SIMC1: variants seen among roughly 807,000 people sequenced by gnomAD.
The protein encoded by SIMC1 is SUMO-interacting motif-containing protein 1.
Under a neutral mutation model 82.3 loss-of-function variants are expected in SIMC1, and 55 were observed. The observed-to-expected ratio is 0.67, with a 90% CI of 0.54 to 0.84. The LOEUF is 0.84. Among genes scored for constraint, SIMC1 ranks in the 40% least tolerant of loss-of-function variants. The pLI, the probability that SIMC1 is intolerant of heterozygous loss-of-function variation, is 0.00. For missense variants in SIMC1, 915 were observed against 1,107.2 expected, an observed-to-expected ratio of 0.83 and a Z score of 2.46; for synonymous variants, 353 against 426.3, an observed-to-expected ratio of 0.83 and a Z score of 2.12.
intron 1 of SIMC1, among the ~76,000 whole-genome samples, chr5:176,283,281 T>C (rs1201965263): frequency 1.3e-5 from 2 of 152,180 alleles, no homozygotes; most frequent in East Asian, 1.9e-4. Context: ...AGAGAAAGGT[T>C]GGGTTACCCA....
rs1375439879 is a variant in SIMC1 at position 176,241,117 on chromosome 5, C to T, written c.129+2480C>T. 5.9e-5 allele frequency among the ~76,000 whole-genome samples: 4 copies of T among 67,886 alleles called. 1 individual carries two copies. Among genetic ancestry groups the T allele is most frequent in the Non-Finnish European group, 1.2e-4 (4 of 32,720 alleles). The allele number at this position is 67,886 out of a possible 152,430, so 44.5% of individuals were successfully genotyped here. A position where few individuals can be genotyped will look rare whatever the true frequency, so the allele number is the denominator to read the frequency against. Reference sequence around the variant, plus strand: ...GATTCTTAACCTGGGCTTTAGTCTTCACTGAGTCGATGAGGTGTGTTTCTG... The same window carrying T: ...GATTCTTAACCTGGGCTTTAGTCTTTACTGAGTCGATGAGGTGTGTTTCTG... On this transcript the variant is annotated intron_variant, in intron 1 of 9. Coordinates refer to ENST00000429602, the MANE Select transcript of SIMC1 (RefSeq NM_001308195.2).
chr5:176,240,903 G>A (rs1280985246), intron 1 of SIMC1, among the ~76,000 whole-genome samples: 1 of 91,906 alleles, frequency 1.1e-5, no homozygotes, highest in South Asian at 3.3e-4. Flanking sequence ...ATAAATGATA[G>A]CTTTTGCCAC....
At chr5:176,306,870 C>G (rs996498319) in intron 4 of SIMC1, among the ~76,000 whole-genome samples, 2 of 150,914 alleles carry the variant, frequency 1.3e-5, no homozygotes, top group African/African-American at 4.9e-5. Context: ...ATGACCCTGC[C>G]AAATCCCCCT....
At chr5:176,310,130 C>T (rs1764601712) in intron 4 of SIMC1, among the ~76,000 whole-genome samples, 1 of 151,990 alleles carries the variant, frequency 6.6e-6, no homozygotes, top group Non-Finnish European at 1.5e-5. Context: ...ATCTGAATGG[C>T]TAAAGAAAAA....
rs566976979 is a variant in SIMC1, at chr5:176,311,372, G to A, written c.1735-2319G>A. Reference sequence around the variant, plus strand: ...CCTGCCTCAGCCTCCTAAGTAGCTAGGACTACAGGCACATGCTATCACGCC... The same window carrying A: ...CCTGCCTCAGCCTCCTAAGTAGCTAAGACTACAGGCACATGCTATCACGCC... On this transcript the variant is annotated intron_variant, in intron 4 of 9. Transcript: ENST00000429602. Among the ~76,000 whole-genome samples the A allele has an allele frequency of 2.0e-5, 3 of 152,138 alleles. No homozygotes were observed. In the East Asian group the frequency reaches 5.8e-4, roughly 29 times the overall value.
chr5:176,338,663 A>T (rs1293244443), intron 9 of SIMC1, among the ~76,000 whole-genome samples: 1 of 152,114 alleles, frequency 6.6e-6, no homozygotes, highest in Non-Finnish European at 1.5e-5. Flanking sequence ...TGAGGGAAAA[A>T]AGTATACAAG....
rs1765301421 is a variant in SIMC1, at chr5:176,324,713, G to A, written c.2127G>A (p.Glu709=). The A allele has an allele frequency of 6.2e-7, 1 of 1,602,720 alleles. No individual in the cohort carries two copies. Among genetic ancestry groups the A allele is most frequent in the African/African-American group, 1.3e-5 (1 of 74,854 alleles). Residue 709 remains glutamate, a synonymous_variant, in exon 7 of 10, where the codon GAG becomes GAA. Transcript: ENST00000429602. ...TPTCSSNKIA[E]MMFGFVLDIP... is the part of the protein sequence containing the mutation. ...CCTGCAGCTCCAATAAAATTGCCGA[G>A]ATGATGTTTGGGTTTGTGCTGGACA...
Position 176,329,236 on chromosome 5 carries a change from C to CCGAGACTGGCGGATCACGAGGT in SIMC1, c.2171+4481_2171+4502dup, listed in dbSNP as rs373960248. On this transcript the variant is annotated intron_variant, in intron 7 of 9. Transcript: ENST00000429602. ...CCTGTAATCCCAGCACTTTGGGAGG[C>CCGAGACTGGCGGATCACGAGGT]CGAGACTGGCGGATCACGAGGTCAG... 2.4e-3 allele frequency among the ~76,000 whole-genome samples: 363 copies of CCGAGACTGGCGGATCACGAGGT among 152,272 alleles called. 1 individual carries two copies. Among genetic ancestry groups the CCGAGACTGGCGGATCACGAGGT allele is most frequent in the Middle Eastern group, 6.8e-3 (2 of 294 alleles).
At chr5:176,311,912 G>A (rs550950847) in intron 4 of SIMC1, among the ~76,000 whole-genome samples, 39 of 152,246 alleles carry the variant, frequency 2.6e-4, no homozygotes, top group Admixed American at 1.2e-3. Context: ...AGATGAAAAG[G>A]GACAGGACCT....
chr5:176,270,487 A>G (rs1485136418), intron 1 of SIMC1: 2 of 152,138 alleles, frequency 1.3e-5, no homozygotes, highest in Admixed American at 1.3e-4. Context: ...AACTATCCAC[A>G]CAAGAAAGCA....
chr5:176,337,835 A>G (rs2113413446), intron 9 of SIMC1, among the ~76,000 whole-genome samples: 1 of 152,310 alleles, frequency 6.6e-6, no homozygotes, highest in Middle Eastern at 3.4e-3. Context: ...GGCTCTTCAG[A>G]GCTGCTTGGG....
At chr5:176,273,015 G>C (rs566773802) in intron 1 of SIMC1, among the ~76,000 whole-genome samples, 1 of 152,220 alleles carries the variant, frequency 6.6e-6, no homozygotes, top group Non-Finnish European at 1.5e-5. Flanking sequence ...GCAGGGCATA[G>C]CCGAACAAAA....
Position 176,345,717 on chromosome 5 carries a change from A to C in SIMC1, c.*272A>C, listed in dbSNP as rs543153466. On this transcript the variant is annotated 3_prime_UTR_variant, in exon 10 of 10. Coordinates refer to ENST00000429602, the MANE Select transcript of SIMC1 (RefSeq NM_001308195.2). ...TTTGAAACAGGTTAATACTCTGTGC[A>C]TCACATGTTTAACATTTTCATTCAA... The C allele has an allele frequency of 1.6e-5, 3 of 185,040 alleles. No individual in the cohort carries two copies. The Admixed American group carries it at 1.8e-4, about 11-fold the overall frequency. The allele number at this position is 185,040 out of a possible 1,614,324, so 11.5% of individuals were successfully genotyped here. A position where few individuals can be genotyped will look rare whatever the true frequency, so the allele number is the denominator to read the frequency against.
rs1297076812 is a variant in SIMC1 at position 176,345,929 on chromosome 5, A to C, written c.*484A>C. ...ATAGGGGGTAGAAACAAAAGGATCA[A>C]GTGTGTTATAAAACATTTGATGTTA... On this transcript the variant is annotated 3_prime_UTR_variant, in exon 10 of 10. Coordinates refer to ENST00000429602, the MANE Select transcript of SIMC1 (RefSeq NM_001308195.2). 1 of 152,252 alleles carries C rather than the reference A, an allele frequency of 6.6e-6. No homozygotes were observed. Among genetic ancestry groups the C allele is most frequent in the Non-Finnish European group, 1.5e-5 (1 of 68,054 alleles). 9.4% of individuals were successfully genotyped at this position (152,252 alleles called of 1,614,324 possible).
chr5:176,296,465 GC>G (rs1190187955), intron 4 of SIMC1, 145 bp downstream of exon 4: 305 of 1,246,282 alleles, frequency 2.4e-4, no homozygotes, highest in Admixed American at 4.1e-4. Flanking sequence ...GGAGTTCAAG[GC>G]CAGCCTGGGC....
chr5:176,330,920 T>A (rs1224455256), intron 7 of SIMC1, among the ~76,000 whole-genome samples: 2 of 152,176 alleles, frequency 1.3e-5, no homozygotes, highest in Non-Finnish European at 2.9e-5. Context: ...CATAGTCAAG[T>A]GATCAAAGTT....
chr5:176,316,148 C>T (rs1253729834), intron 5 of SIMC1, among the ~76,000 whole-genome samples: 2 of 152,060 alleles, frequency 1.3e-5, no homozygotes, highest in African/African-American at 4.8e-5. Flanking sequence ...GCACTTCAGC[C>T]TGGGTGACAG....
intron 9 of SIMC1, among the ~76,000 whole-genome samples, chr5:176,344,147 C>G (rs921275243): frequency 2.0e-5 from 3 of 151,986 alleles, no homozygotes; most frequent in Non-Finnish European, 4.4e-5. Context: ...CAGTAATATA[C>G]TTTTTAGGTA....
At position 176,247,171 on chromosome 5, in the gene SIMC1, G is replaced by C. The variant is rs546611307; in HGVS notation, c.129+8534G>C. Among the ~76,000 whole-genome samples the C allele has an allele frequency of 1.9e-3, 295 of 152,228 alleles. 1 individual carries two copies. Among genetic ancestry groups the C allele is most frequent in the Middle Eastern group, 0.01 (3 of 294 alleles). ...ATGGTATTTCTGGTTCTAGATCCTT[G>C]AGGAATCACCACACTGTCTTCCACA... On this transcript the variant is annotated intron_variant, in intron 1 of 9. Transcript: ENST00000429602.
Sources: gnomAD v4.1 joint callset for allele counts (sites outside exome capture counted in the v4.1 genomes callset) on GRCh38, gnomAD v4.1.1 for gene constraint, MANE v1.5 for transcripts, NCBI Gene and HGNC (gene_info 2026-07-23, HGNC 2026-07-21) for gene names.